Variants in ATAD2 observed in about 807,000 individuals in gnomAD.
ATAD2 encodes the protein ATPase family AAA domain-containing protein 2.
In ATAD2, 62 loss-of-function variants were observed where a neutral mutation model predicts 168.9. The ratio of observed to expected loss-of-function variants is 0.37; its 90% CI spans 0.30 to 0.45. The LOEUF (loss-of-function observed/expected upper bound fraction) is 0.45, where lower values mean the gene tolerates loss of function less well. Ranked by LOEUF, ATAD2 falls within the 20% of genes least tolerant of loss-of-function variation. The pLI is 1.00. For synonymous variants in ATAD2, 613 were observed against 571.6 expected (o/e 1.07, Z -1.03); for missense variants, 1,419 against 1,667.8 (o/e 0.85, Z 2.60).
intron 1 of ATAD2, among the ~76,000 whole-genome samples, chr8:123,411,326 C>T (rs557064725): frequency 6.6e-6 from 1 of 152,238 alleles, no homozygotes; most frequent in African/African-American, 2.4e-5. Context: ...GCACCCCTCC[C>T]CAGGAAATTT....
intron 17 of ATAD2, 90 bp downstream of exon 17, chr8:123,346,528 G>T: frequency 8.1e-7 from 1 of 1,238,076 alleles, no homozygotes; most frequent in East Asian, 2.7e-5. Context: ...AAAGCAGATT[G>T]GTTAGCACTT....
At chr8:123,378,727 C>CAAAAAAAAAA (rs1554646643) in intron 2 of ATAD2, among the ~76,000 whole-genome samples, 23 of 90,984 alleles carry the variant, frequency 2.5e-4, no homozygotes, top group African/African-American at 9.1e-4. Flanking sequence ...AAAAAAAAAT[C>CAAAAAAAAAA]AAAATTCCAT....
At chr8:123,324,413 A>T (rs1051533764) in intron 26 of ATAD2, among the ~76,000 whole-genome samples, 12 of 152,224 alleles carry the variant, frequency 7.9e-5, no homozygotes. Flanking sequence ...TGGAATTGGG[A>T]TGCAAAATGT....
chr8:123,411,508 C>T (rs543435934), intron 1 of ATAD2, among the ~76,000 whole-genome samples: 10 of 152,154 alleles, frequency 6.6e-5, no homozygotes, highest in Non-Finnish European at 1.3e-4. Flanking sequence ...GGGAAGGTGA[C>T]CGCATCCACC....
rs368235413 is a variant in ATAD2 at position 123,361,634 on chromosome 8, T to C, written c.1062A>G (p.Ala354=). 6 of 1,607,926 alleles carry C rather than the reference T, an allele frequency of 3.7e-6. No individual in the cohort carries two copies. The highest frequency in any genetic ancestry group is 5.1e-6 in the Non-Finnish European group (6 of 1,175,484). The change falls in exon 9 of 28, where the codon GCA becomes GCG. Residue 354 remains alanine (A), a synonymous_variant. Transcript: ENST00000287394. ...YCKRMNRRRH[A]IHSSDSTSSS... is the part of the protein sequence containing the mutation. ...ATGAAGTCGAGTCACTACTGTGGATTGCATGCCTTCGCCTAAAGTAAAAAA... is the reference window on the plus strand; with the variant it reads ...ATGAAGTCGAGTCACTACTGTGGATCGCATGCCTTCGCCTAAAGTAAAAAA...
At chr8:123,379,481 G>A (rs1290669746) in intron 2 of ATAD2, among the ~76,000 whole-genome samples, 2 of 151,896 alleles carry the variant, frequency 1.3e-5, no homozygotes, top group African/African-American at 4.8e-5. Context: ...CTGATCCTAC[G>A]TCAGCTAACC....
chr8:123,356,497 G>A lies in ATAD2; in HGVS notation c.1558-20C>T. 3.2e-6 allele frequency: 5 copies of A among 1,586,162 alleles called. No individual in the cohort carries two copies. The highest frequency in any genetic ancestry group is 4.3e-6 in the Non-Finnish European group (5 of 1,158,690). On this transcript the variant is annotated intron_variant, in intron 12 of 27. Transcript: ENST00000287394. ...ATAGGCCTAGAAAGTAGGTGGAGTG[G>A]TCATTTGTTAGCATAAACAGCCTCA...
chr8:123,370,418 TA>T (rs1829117177), intron 6 of ATAD2, among the ~76,000 whole-genome samples: 1 of 152,122 alleles, frequency 6.6e-6, no homozygotes, highest in Non-Finnish European at 1.5e-5. Context: ...TTTTGCTTTC[TA>T]AACTTAAGTT....
Position 123,333,155 on chromosome 8 carries a change from G to A in ATAD2, c.3478+723C>T, listed in dbSNP as rs539776307. ...TGTAATCCCAACACTTTGGGAGGCC[G>A]AGGTGGGTGGATCATGAGGTCAGGA... On this transcript the variant is annotated intron_variant, in intron 24 of 27. Coordinates refer to ENST00000287394, the MANE Select transcript of ATAD2 (RefSeq NM_014109.4). Among the ~76,000 whole-genome samples the A allele has an allele frequency of 4.1e-5, 6 of 147,838 alleles. No homozygotes were observed. The South Asian group carries it at 6.4e-4, about 16-fold the overall frequency.
intron 8 of ATAD2, among the ~76,000 whole-genome samples, chr8:123,363,863 A>G (rs1027235787): frequency 2.6e-5 from 4 of 152,204 alleles, no homozygotes; most frequent in African/African-American, 9.6e-5. Context: ...TCCAGGTTAA[A>G]TAATTTACTC....
chr8:123,380,549 A>C lies in ATAD2; in HGVS notation c.300T>G (p.Ala100=), dbSNP rs763581464. 11 of 1,613,934 alleles carry C rather than the reference A, an allele frequency of 6.8e-6. No individual in the cohort carries two copies. Among genetic ancestry groups the C allele is most frequent in the African/African-American group, 1.3e-5 (1 of 74,950 alleles). The stretch of plus-strand genomic sequence containing the variant: ...ATTACCTTGTAAAATGCCTGCCATT[A>C]GCAAGTTGCTCCGTTATTTCCACAT... ...EKNVEITEQL[A]NGRHFTRQLA... Residue 100 remains alanine (A), a synonymous_variant, in exon 2 of 28, where the codon GCT becomes GCG. Coordinates refer to ENST00000287394, the MANE Select transcript of ATAD2 (RefSeq NM_014109.4).
chr8:123,336,423 T>C lies in ATAD2; in HGVS notation c.3161A>G (p.Asp1054Gly), dbSNP rs1271779436. The change falls in exon 22 of 28, where the codon GAT (aspartate) becomes GGT (glycine). Residue 1054 changes from aspartate to glycine, a missense_variant. Physicochemically the swap from Asp to Gly is moderately conservative, Grantham distance 94. This residue lies in a region of ATAD2 where 545 missense variants were observed against 724.9 expected (regional missense o/e 0.75). Coordinates refer to ENST00000287394, the MANE Select transcript of ATAD2 (RefSeq NM_014109.4). The stretch of plus-strand genomic sequence containing the variant: ...TTCTAAGGCATTACTACAGATTAGA[T>C]CAATATCTCTCAAATAGTCTTTCAC... The part of the protein sequence containing the change: ...LTVKDYLRDI[D>G]LICSNALEYN... 1 of 1,583,896 alleles carries C rather than the reference T, an allele frequency of 6.3e-7. No homozygotes were observed. The highest frequency in any genetic ancestry group is 8.5e-7 in the Non-Finnish European group (1 of 1,170,634).
chr8:123,407,633 T>C (rs894817553), intron 1 of ATAD2, among the ~76,000 whole-genome samples: 3 of 150,986 alleles, frequency 2.0e-5, no homozygotes, highest in African/African-American at 7.3e-5. Flanking sequence ...CTGAGGCAGG[T>C]GGATCACTTG....
Position 123,371,762 on chromosome 8 carries a change from A to G in ATAD2, c.444T>C (p.Asp148=), listed in dbSNP as rs1427362817. Residue 148 remains aspartate, a synonymous_variant, in exon 4 of 28, where the codon GAT becomes GAC. Coordinates refer to ENST00000287394, the MANE Select transcript of ATAD2 (RefSeq NM_014109.4). ...TTCGACGCACTTCAACATCACCATT[A>G]TCTTCATGTAAGTGTTCTGTACTTT... The part of the protein sequence containing the change: ...IVQSTEHLHE[D]NGDVEVRRSC... 1.2e-6 allele frequency: 2 copies of G among 1,613,502 alleles called. No homozygotes were observed. Among genetic ancestry groups the G allele is most frequent in the Non-Finnish European group, 1.7e-6 (2 of 1,179,802 alleles).
chr8:123,378,471 G>A (rs1306166305), intron 2 of ATAD2, among the ~76,000 whole-genome samples: 1 of 152,042 alleles, frequency 6.6e-6, no homozygotes, highest in Non-Finnish European at 1.5e-5. Flanking sequence ...GGAGGCTGAG[G>A]TGGGTGGATC....
Position 123,371,227 on chromosome 8 carries a change from T to G in ATAD2, c.639+9A>C. 1 of 1,570,692 alleles carries G rather than the reference T, an allele frequency of 6.4e-7. No homozygotes were observed. Among genetic ancestry groups the G allele is most frequent in the Non-Finnish European group, 8.7e-7 (1 of 1,150,758 alleles). On this transcript the variant is annotated intron_variant, in intron 5 of 27. Coordinates refer to ENST00000287394, the MANE Select transcript of ATAD2 (RefSeq NM_014109.4). ...TTAAATCATTCCCTTAATGGAAGAA[T>G]ATATTTACTTCTTCTGTTTCATTAA... is the stretch of plus-strand genomic sequence containing the variant.
At chr8:123,376,415 A>T (rs1829318269) in intron 2 of ATAD2, among the ~76,000 whole-genome samples, 1 of 151,522 alleles carries the variant, frequency 6.6e-6, no homozygotes, top group South Asian at 2.1e-4. Context: ...TAAAAAAAAA[A>T]GCTGGGCATG....
intron 1 of ATAD2, among the ~76,000 whole-genome samples, chr8:123,395,641 G>A (rs548563427): frequency 1.1e-4 from 17 of 152,140 alleles, no homozygotes; most frequent in African/African-American, 4.1e-4. Context: ...ATGAAATGTT[G>A]GTCTTCATCC....
Position 123,353,567 on chromosome 8 carries a change from AT to A in ATAD2, c.1646+2821del, listed in dbSNP as rs966836860. ...ATGTCATTCTGGTACGATTCCAGTAATTTTTTTTTTTTATTGCTTTCAGGCA... is the reference window on the plus strand; with the variant it reads ...ATGTCATTCTGGTACGATTCCAGTAATTTTTTTTTTTATTGCTTTCAGGCA... On this transcript the variant is annotated intron_variant, in intron 13 of 27. Coordinates refer to ENST00000287394, the MANE Select transcript of ATAD2 (RefSeq NM_014109.4). Among the ~76,000 whole-genome samples the A allele has an allele frequency of 2.9e-3, 431 of 146,844 alleles. 2 individuals carry two copies. Among genetic ancestry groups the A allele is most frequent in the African/African-American group, 9.7e-3 (390 of 40,246 alleles).
Sources: allele counts gnomAD v4.1 joint callset (sites outside exome capture counted in the v4.1 genomes callset), GRCh38; gene constraint gnomAD v4.1.1; regional missense constraint gnomAD v4.1.1; transcripts MANE v1.5; gene names NCBI Gene and HGNC (gene_info 2026-07-23, HGNC 2026-07-21).